The following ATP2B2 variants were observed in gnomAD, a reference collection of about 807,000 sequenced individuals.
The protein encoded by ATP2B2 is plasma membrane calcium-transporting ATPase 2.
Under a neutral mutation model 120.0 loss-of-function variants are expected in ATP2B2, and 15 were observed. That is an observed-to-expected ratio of 0.12 (90% CI 0.08 to 0.19). ATP2B2 has a LOEUF of 0.19. ATP2B2 is among the 10% of genes least tolerant of loss of function. ATP2B2 has a pLI of 1.00. For missense variants in ATP2B2, 1,045 were observed against 1,719.8 expected, an observed-to-expected ratio of 0.61 and a Z score of 6.94; for synonymous variants, 694 against 700.3, an observed-to-expected ratio of 0.99 and a Z score of 0.14.
chr3:10,373,220 G>A (rs2125510904), intron 11 of ATP2B2, among the ~76,000 whole-genome samples: 1 of 152,336 alleles, frequency 6.6e-6, no homozygotes, highest in African/African-American at 2.4e-5. Flanking sequence ...CTGTGGCACA[G>A]GAAAGGATTC....
chr3:10,380,271 T>G (rs1298281145), intron 8 of ATP2B2, among the ~76,000 whole-genome samples: 1 of 152,222 alleles, frequency 6.6e-6, no homozygotes, highest in Non-Finnish European at 1.5e-5. Context: ...CTAGCACACC[T>G]GCCTTCGCCA....
At position 10,346,688 on chromosome 3, in the gene ATP2B2, A is replaced by G. The variant is rs1227802522; in HGVS notation, c.2405-551T>C. 1.3e-5 allele frequency among the ~76,000 whole-genome samples: 2 copies of G among 152,062 alleles called. No homozygotes were observed. The highest frequency in any genetic ancestry group is 2.4e-5 in the African/African-American group (1 of 41,402). On this transcript the variant is annotated intron_variant, in intron 16 of 22. Transcript: ENST00000360273. The surrounding 1 kb of genome is among the most constrained non-coding windows in gnomAD (Gnocchi z 4.1). The stretch of plus-strand genomic sequence containing the variant: ...ATTCAACGAATAACAGAATGAACAA[A>G]TGACATGTGGCCCCAGTCACTGAGC...
At chr3:10,358,948 T>C (rs542217461) in intron 13 of ATP2B2, 23 bp from the exon 14 acceptor site, 20 of 1,610,734 alleles carry the variant, frequency 1.2e-5, no homozygotes, top group South Asian at 2.2e-5. Context: ...GGAAGGGAGA[T>C]GGGGAGCCCA....
chr3:10,624,522 C>A (rs35663834), intron 1 of ATP2B2, among the ~76,000 whole-genome samples: 2 of 152,168 alleles, frequency 1.3e-5, no homozygotes, highest in Admixed American at 6.5e-5. Context: ...ATCTCAGCGC[C>A]TGAAATGTCA....
Position 10,703,578 on chromosome 3 carries a change from C to T in ATP2B2, c.-460+4337G>A, listed in dbSNP as rs561947747. 4.2e-4 allele frequency among the ~76,000 whole-genome samples: 64 copies of T among 152,316 alleles called. 2 individuals are homozygous for T. The South Asian group carries it at 0.013, about 31-fold the overall frequency. ...CAACATCTGCCATTTCCTAGAACTC[C>T]GGATCAGCACACACCTTTTAGCCCG... On this transcript the variant is annotated intron_variant, in intron 1 of 21. Transcript: ENST00000646379.
intron 1 of ATP2B2, among the ~76,000 whole-genome samples, chr3:10,640,228 T>C (rs1333569631): frequency 6.6e-6 from 1 of 152,150 alleles, no homozygotes; most frequent in Non-Finnish European, 1.5e-5. Flanking sequence ...AGGTGCTCTT[T>C]CACCCTACTG....
chr3:10,413,841 T>C (rs1431758732), intron 2 of ATP2B2, among the ~76,000 whole-genome samples: 2 of 152,226 alleles, frequency 1.3e-5, no homozygotes, highest in South Asian at 2.1e-4. Flanking sequence ...ATGAGTTTCA[T>C]TCAGGCTTTT....
At chr3:10,497,273 C>T (rs2066190891) in intron 1 of ATP2B2, among the ~76,000 whole-genome samples, 1 of 152,206 alleles carries the variant, frequency 6.6e-6, no homozygotes, top group African/African-American at 2.4e-5. Context: ...GAGAAAGAGT[C>T]CTGAACCAAC....
rs977020381 is a variant in ATP2B2, at chr3:10,494,400, A to C, written c.-320+11065T>G. Among the ~76,000 whole-genome samples, 8 of 152,284 alleles carry C rather than the reference A, an allele frequency of 5.3e-5. No individual in the cohort carries two copies. The South Asian group carries it at 1.7e-3, about 32-fold the overall frequency. On this transcript the variant is annotated intron_variant, in intron 1 of 22. Coordinates refer to ENST00000360273, the MANE Select transcript of ATP2B2 (RefSeq NM_001001331.4). ...CAGACGAGGAGACTGAGGCACAGGA[A>C]GTTAAGTCATTTGCTCAAGGTCACA...
intron 1 of ATP2B2, among the ~76,000 whole-genome samples, chr3:10,671,500 T>A (rs1426409172): frequency 6.6e-6 from 1 of 152,178 alleles, no homozygotes; most frequent in Non-Finnish European, 1.5e-5. Context: ...AGGAAGTCTC[T>A]TAGTCCTGGA....
At chr3:10,686,301 G>A (rs2071522033) in intron 1 of ATP2B2, among the ~76,000 whole-genome samples, 1 of 151,980 alleles carries the variant, frequency 6.6e-6, no homozygotes, top group African/African-American at 2.4e-5. Flanking sequence ...TTATGTCTTG[G>A]GACACCCATG....
chr3:10,426,315 G>A (rs889945295), intron 2 of ATP2B2, among the ~76,000 whole-genome samples: 3 of 152,154 alleles, frequency 2.0e-5, no homozygotes, highest in Non-Finnish European at 2.9e-5. Context: ...TAAGCTCCAT[G>A]AGAACACTCA....
Position 10,375,340 on chromosome 3 carries a change from C to T in ATP2B2, c.1416+90G>A. 1 of 1,204,558 alleles carries T rather than the reference C, an allele frequency of 8.3e-7. No individual in the cohort carries two copies. Among genetic ancestry groups the T allele is most frequent in the Non-Finnish European group, 1.2e-6 (1 of 825,622 alleles). 74.6% of individuals were successfully genotyped at this position (1,204,558 alleles called of 1,614,324 possible). ...GGGTCTATGGGGCTTCTTCGTTCAT[C>T]TCCCAACCCCAGCACCAGCCCCAGT... is the stretch of plus-strand genomic sequence containing the variant. On this transcript the variant is annotated intron_variant, in intron 11 of 22. Transcript: ENST00000360273. The surrounding 1 kb of genome is among the most constrained non-coding windows in gnomAD (Gnocchi z 4.2).
At chr3:10,506,957 G>T (rs1043605818), upstream of ATP2B2, among the ~76,000 whole-genome samples, 2 of 152,238 alleles carry the variant, frequency 1.3e-5, no homozygotes, top group African/African-American at 4.8e-5. Flanking sequence ...GAGGGGCCAC[G>T]GGAGGGAGAC....
At chr3:10,590,666 T>C (rs2068623000) in intron 2 of ATP2B2, among the ~76,000 whole-genome samples, 2 of 152,212 alleles carry the variant, frequency 1.3e-5, no homozygotes, top group Non-Finnish European at 1.5e-5. Flanking sequence ...CCCAGGGCCA[T>C]GGGAGCAATG....
At chr3:10,632,551 G>A (rs1046912707) in intron 1 of ATP2B2, among the ~76,000 whole-genome samples, 5 of 152,232 alleles carry the variant, frequency 3.3e-5, no homozygotes, top group Non-Finnish European at 7.3e-5. Flanking sequence ...CTGGTGAAAC[G>A]CTCTGAGACA....
intron 14 of ATP2B2, 119 bp downstream of exon 14, chr3:10,358,572 C>A (rs766233722): frequency 1.0e-6 from 1 of 969,560 alleles, no homozygotes; most frequent in Non-Finnish European, 1.6e-6. Flanking sequence ...AGGAAATCCC[C>A]ATGGGCATTA....
intron 1 of ATP2B2, among the ~76,000 whole-genome samples, chr3:10,491,300 A>T (rs1242748320): frequency 7.1e-6 from 1 of 141,758 alleles, no homozygotes; most frequent in African/African-American, 2.7e-5. Context: ...ATCTTGGCCC[A>T]CTGCAACCTC....
At chr3:10,447,946 G>A (rs1280310213) in intron 2 of ATP2B2, among the ~76,000 whole-genome samples, 1 of 152,252 alleles carries the variant, frequency 6.6e-6, no homozygotes, top group Admixed American at 6.5e-5. Flanking sequence ...AATGTGGGAA[G>A]AAGAACCAGT....
Sources: gnomAD v4.1 joint callset for allele counts (sites outside exome capture counted in the v4.1 genomes callset) on GRCh38, gnomAD v4.1.1 for gene constraint, Gnocchi (gnomAD v3.1) non-coding constraint, MANE v1.5 for transcripts, NCBI Gene and HGNC (gene_info 2026-07-23, HGNC 2026-07-21) for gene names.